Variants in COL5A3 observed in about 807,000 individuals in gnomAD.
The protein encoded by COL5A3 is collagen alpha-3(V) chain.
Under a neutral mutation model 250.0 loss-of-function variants are expected in COL5A3, and 172 were observed. The ratio of observed to expected loss-of-function variants is 0.69; its 90% CI spans 0.61 to 0.78. The LOEUF (loss-of-function observed/expected upper bound fraction) is 0.78, where lower values mean the gene tolerates loss of function less well. Among genes scored for constraint, COL5A3 ranks in the 30% least tolerant of loss-of-function variants. The pLI is 0.00. For synonymous variants in COL5A3, 937 were observed against 900.4 expected (o/e 1.04, Z -0.73); for missense variants, 2,340 against 2,334.4 (o/e 1.00, Z -0.05).
At chr19:10,004,217 C>T (rs73007122) in intron 4 of COL5A3, 72 bp from the exon 5 acceptor site, 142,286 of 1,114,816 alleles carry the variant, frequency 0.13, 9,748 homozygotes, top group Admixed American at 0.2. Flanking sequence ...CCCCTAACCC[C>T]CAGCAGTCCT....
At position 9,966,357 on chromosome 19, in the gene COL5A3, G is replaced by A. The variant is rs556102205; in HGVS notation, c.4739C>T (p.Ala1580Val). The A allele has an allele frequency of 1.9e-6, 3 of 1,609,398 alleles. No individual in the cohort carries two copies. The highest frequency in any genetic ancestry group is 2.5e-6 in the Non-Finnish European group (3 of 1,177,536). ...GGGATAGAGGCAGGTCTCTCCTCCC[G>A]CCGTGAAGTTGCAAAAAACCCTGAA... ...DSFRVFCNFT[A>V]GGETCLYPDK... The change falls in exon 64 of 67, where the codon GCG becomes GTG. Residue 1580 changes from alanine to valine, a missense_variant. Physicochemically the swap from Ala to Val is moderately conservative, Grantham distance 64 (BLOSUM62 0). Around this residue, in one of 3 missense-constraint regions of COL5A3, gnomAD observed 1,179 missense variants for 1,162.6 expected, o/e 1.01. Transcript: ENST00000264828.
At chr19:9,996,183 CT>C in intron 14 of COL5A3, 22 bp downstream of exon 14, 1 of 1,559,394 alleles carries the variant, frequency 6.4e-7, no homozygotes, top group South Asian at 1.2e-5. Flanking sequence ...GCACCGCCCC[CT>C]CCACGCAGTC....
intron 31 of COL5A3, among the ~76,000 whole-genome samples, chr19:9,985,561 C>T (rs1286237154): frequency 6.6e-6 from 1 of 152,000 alleles, no homozygotes; most frequent in East Asian, 1.9e-4. Context: ...CGCCCAGCCA[C>T]ATCTGGCTAA....
chr19:9,967,347 C>CAG lies in COL5A3; in HGVS notation c.4457_4458insCT (p.Gly1487TrpfsTer38). 1 of 1,438,524 alleles carries CAG rather than the reference C, an allele frequency of 7.0e-7. No homozygotes were observed. Among genetic ancestry groups the CAG allele is most frequent in the Non-Finnish European group, 9.1e-7 (1 of 1,101,506 alleles). 89.1% of individuals were successfully genotyped at this position (1,438,524 alleles called of 1,614,324 possible). A position where few individuals can be genotyped will look rare whatever the true frequency, so the allele number is the denominator to read the frequency against. On this transcript the variant is annotated frameshift_variant and splice_region_variant, in exon 62 of 67. Transcript: ENST00000264828. LOFTEE classifies it high-confidence loss of function. Reference sequence around the variant, plus strand: ...TTCCCCCGCCCCCCGGGGAACTCACCGGGGGGCCTGGTGGGCCTGCAGGTC... The same window carrying CAG: ...TTCCCCCGCCCCCCGGGGAACTCACCAGGGGGGGCCTGGTGGGCCTGCAGGTC...
At chr19:9,967,322 T>C in intron 62 of COL5A3, 25 bp downstream of exon 62, 1 of 1,407,440 alleles carries the variant, frequency 7.1e-7, no homozygotes, top group Non-Finnish European at 9.2e-7. Context: ...TTGGTGTCCA[T>C]TCCCCCGCCC....
In COL5A3 at chr19:9,969,624, G is replaced by T; in HGVS notation, c.4049C>A (p.Pro1350His). 1.2e-6 allele frequency: 2 copies of T among 1,600,534 alleles called. No homozygotes were observed. The highest frequency in any genetic ancestry group is 1.7e-6 in the Non-Finnish European group (2 of 1,176,500). Reference protein sequence around the residue: ...GRTGPMGARGPPGRVGPEGLR... With the variant: ...GRTGPMGARGHPGRVGPEGLR... ...ACCCTCAGGCCCCACACGTCCAGGGGGCCCTCTAGCCCCCATTGGACCCGT... is the reference window on the plus strand; with the variant it reads ...ACCCTCAGGCCCCACACGTCCAGGGTGCCCTCTAGCCCCCATTGGACCCGT... The change falls in exon 56 of 67, where the codon CCC becomes CAC. Residue 1350 changes from proline to histidine, a missense_variant. Transcript: ENST00000264828.
chr19:9,986,040 G>T, intron 30 of COL5A3, 145 bp from the exon 31 acceptor site: 1 of 761,378 alleles, frequency 1.3e-6, no homozygotes. Context: ...TGCCTGCTAG[G>T]GGCATGTCCT....
At chr19:10,007,152 TCCTCTGACTTTCCCCTCTGACCTCCTC>T (rs1200562099) in intron 1 of COL5A3, among the ~76,000 whole-genome samples, 1 of 130,348 alleles carries the variant, frequency 7.7e-6, no homozygotes, top group Admixed American at 7.4e-5. Context: ...CTCTGATCTC[TCCTCTGACTTTCCCCTCTGACCTCCTC>T]CCTCTGACAT....
chr19:9,975,370 G>A (rs1408651863), intron 45 of COL5A3, among the ~76,000 whole-genome samples: 4 of 152,208 alleles, frequency 2.6e-5, no homozygotes, highest in African/African-American at 4.8e-5. Context: ...ATGAGCCACC[G>A]CACCTGGCTG....
intron 2 of COL5A3, 43 bp downstream of exon 2, chr19:10,006,030 G>C: frequency 6.2e-7 from 1 of 1,610,482 alleles, no homozygotes; most frequent in Non-Finnish European, 8.5e-7. Flanking sequence ...GCCCAGCAGT[G>C]CCTCCCTCCG....
intron 65 of COL5A3, 65 bp downstream of exon 65, chr19:9,962,754 T>A (rs1308747098): frequency 1.4e-5 from 17 of 1,255,564 alleles, no homozygotes; most frequent in Non-Finnish European, 1.8e-5. Context: ...AACCCACCCC[T>A]CAAACCCCCC....
chr19:9,992,910 A>G (rs775064300), intron 20 of COL5A3, 30 bp from the exon 21 acceptor site: 4 of 1,612,614 alleles, frequency 2.5e-6, no homozygotes, highest in Admixed American at 3.3e-5. Context: ...TTATTTCCAC[A>G]TCACCTCTGT....
chr19:9,992,877 G>A lies in COL5A3; in HGVS notation c.1798C>T (p.Pro600Ser), dbSNP rs2087214309. The change falls in exon 21 of 67, where the codon CCA becomes TCA. Residue 600 changes from proline (P) to serine (S), a missense_variant. By Grantham distance (74) the Pro-to-Ser change is moderately conservative (BLOSUM62 -1). Transcript: ENST00000264828. ...CCTCTGGGGCCAAGCAGTCCTCGTG[G>A]ACCCTGCAAGGGAGCAGGCGAATTA... The part of the protein sequence containing the change: ...GPTGQAGEPG[P>S]RGLLGPRGSP... The A allele has an allele frequency of 6.2e-7, 1 of 1,614,086 alleles. No homozygotes were observed. Among genetic ancestry groups the A allele is most frequent in the African/African-American group, 1.3e-5 (1 of 75,060 alleles).
At position 9,966,403 on chromosome 19, in the gene COL5A3, G is replaced by C. The variant is rs750722976; in HGVS notation, c.4693C>G (p.Gln1565Glu). The change falls in exon 64 of 67, where the codon CAG (glutamine) becomes GAG (glutamate). Residue 1565 changes from glutamine (Q) to glutamate (E), a missense_variant. Around this residue, in one of 3 missense-constraint regions of COL5A3, gnomAD observed 1,179 missense variants for 1,162.6 expected, o/e 1.01. Coordinates refer to ENST00000264828, the MANE Select transcript of COL5A3 (RefSeq NM_015719.4). ...CTGAACGAGTCCCGCGCGCAGCCCT[G>C]GTTGGGGTCAATCCAGTATTCCCCT... ...PDGEYWIDPNQGCARDSFRVF... is the reference protein window; with the variant it reads ...PDGEYWIDPNEGCARDSFRVF... The C allele has an allele frequency of 6.2e-7, 1 of 1,607,186 alleles. No homozygotes were observed. The highest frequency in any genetic ancestry group is 1.1e-5 in the South Asian group (1 of 90,060).
chr19:9,993,716 G>T, intron 17 of COL5A3, 37 bp downstream of exon 17: 2 of 1,614,028 alleles, frequency 1.2e-6, no homozygotes, highest in Non-Finnish European at 1.7e-6. Context: ...AAGCCTGACA[G>T]CTCCCACCAA....
chr19:9,993,149 A>AG lies in COL5A3; in HGVS notation c.1750-83dup, dbSNP rs571974240. 274 of 1,455,236 alleles carry AG rather than the reference A, an allele frequency of 1.9e-4. No individual in the cohort carries two copies. The African/African-American group carries it at 3.4e-3, about 18-fold the overall frequency. 90.1% of individuals were successfully genotyped at this position (1,455,236 alleles called of 1,614,324 possible). A position where few individuals can be genotyped will look rare whatever the true frequency, so the allele number is the denominator to read the frequency against. On this transcript the variant is annotated intron_variant, in intron 19 of 66. Coordinates refer to ENST00000264828, the MANE Select transcript of COL5A3 (RefSeq NM_015719.4). ...TCCCCTCATCTGGGCAGCCCCTTCCAGGGGGTCTCGGAATTAGACCAGGAT... is the reference window on the plus strand; with the variant it reads ...TCCCCTCATCTGGGCAGCCCCTTCCAGGGGGGTCTCGGAATTAGACCAGGAT...
chr19:9,991,316 A>G (rs2145119725), intron 24 of COL5A3, among the ~76,000 whole-genome samples: 1 of 152,338 alleles, frequency 6.6e-6, no homozygotes, highest in East Asian at 1.9e-4. Context: ...GCCAGGGAAC[A>G]AAGATGAGAC....
rs763777774 is a variant in COL5A3 at position 9,996,036 on chromosome 19, C to T, written c.1533+30G>A. On this transcript the variant is annotated intron_variant, in intron 15 of 66. Transcript: ENST00000264828. ...GGTCCTGGGGGAAGGCTATTCCCAT[C>T]CTATCCTGCCCTATCTCCACAAGTC... The T allele has an allele frequency of 3.3e-6, 5 of 1,525,000 alleles. No homozygotes were observed. In the East Asian group the frequency reaches 1.1e-4, roughly 35 times the overall value. The allele number at this position is 1,525,000 out of a possible 1,614,324, so 94.5% of individuals were successfully genotyped here.
chr19:9,965,902 C>T lies in COL5A3; in HGVS notation c.4782+412G>A, dbSNP rs1265605601. Among the ~76,000 whole-genome samples the T allele has an allele frequency of 2.0e-5, 3 of 152,262 alleles. No homozygotes were observed. The East Asian group carries it at 5.8e-4, about 29-fold the overall frequency. On this transcript the variant is annotated intron_variant, in intron 64 of 66. Transcript: ENST00000264828. Reference sequence around the variant, plus strand: ...AGGCTGGAGTGCAGTGGCACAATCTCGGCTCACACTAACCTCTGCCTCTAG... The same window carrying T: ...AGGCTGGAGTGCAGTGGCACAATCTTGGCTCACACTAACCTCTGCCTCTAG...
Sources: allele counts gnomAD v4.1 joint callset (sites outside exome capture counted in the v4.1 genomes callset), GRCh38; gene constraint gnomAD v4.1.1; regional missense constraint gnomAD v4.1.1; transcripts MANE v1.5; gene names NCBI Gene and HGNC (gene_info 2026-07-23, HGNC 2026-07-21).